Variants in PIK3R3 observed in about 807,000 individuals in gnomAD.
PIK3R3 encodes phosphatidylinositol 3-kinase regulatory subunit gamma.
A neutral mutation model predicts 62.9 loss-of-function variants in PIK3R3; 64 were observed. That is an observed-to-expected ratio of 1.02 (90% CI 0.83 to 1.25). The LOEUF (loss-of-function observed/expected upper bound fraction) is 1.25. Among genes scored for constraint, PIK3R3 ranks in the 50% most tolerant of loss-of-function variants. The pLI is 0.00. For missense variants in PIK3R3, 614 were observed against 561.6 expected (o/e 1.09, Z -0.94); for synonymous variants, 165 against 189.0 (o/e 0.87, Z 1.04).
rs1647003761 is a variant in PIK3R3 at position 46,041,890 on chromosome 1, T to C, written c.*1783A>G. On this transcript the variant is annotated 3_prime_UTR_variant, in exon 10 of 10. Coordinates refer to ENST00000262741, the MANE Select transcript of PIK3R3 (RefSeq NM_003629.4). ...CTAGTAACTGGAGGTTTTTCCAAAA[T>C]TAAAAATCTGTGTCTACATCATGGT... The C allele has an allele frequency of 4.7e-6, 1 of 214,958 alleles. No homozygotes were observed. The highest frequency in any genetic ancestry group is 9.4e-6 in the Non-Finnish European group (1 of 106,442). 13.3% of individuals were successfully genotyped at this position (214,958 alleles called of 1,614,324 possible). A position where few individuals can be genotyped will look rare whatever the true frequency, so the allele number is the denominator to read the frequency against.
chr1:46,069,795 T>C (rs911414648), intron 3 of PIK3R3, among the ~76,000 whole-genome samples: 4 of 151,874 alleles, frequency 2.6e-5, no homozygotes, highest in African/African-American at 9.7e-5. Flanking sequence ...GAAGGAAGAA[T>C]CAGCAAAGGA....
the PIK3R3 span, among the ~76,000 whole-genome samples, chr1:46,144,370 A>G: frequency 1.3e-5 from 2 of 152,200 alleles, no homozygotes; most frequent in African/African-American, 4.8e-5. Context: ...GGTCAGGCCT[A>G]CACCTAACAT....
chr1:46,065,965 C>G, intron 5 of PIK3R3, 89 bp downstream of exon 5: 2 of 1,164,540 alleles, frequency 1.7e-6, no homozygotes, highest in South Asian at 1.3e-5. Flanking sequence ...GACATTAAAA[C>G]AGCTAAAGAT....
chr1:46,137,602 T>C (rs899855932), upstream of PIK3R3, among the ~76,000 whole-genome samples: 1 of 152,250 alleles, frequency 6.6e-6, no homozygotes, highest in Non-Finnish European at 1.5e-5. Flanking sequence ...ATCTTATACA[T>C]TGTGCTCACA....
chr1:46,123,347 A>G (rs904534751), intron 1 of PIK3R3, among the ~76,000 whole-genome samples: 1 of 152,202 alleles, frequency 6.6e-6, no homozygotes, highest in Admixed American at 6.5e-5. Context: ...CTTAAGCAAA[A>G]GCTTGAGATA....
chr1:46,044,152 T>A lies in PIK3R3; in HGVS notation c.1188-281A>T, dbSNP rs1373426372. On this transcript the variant is annotated intron_variant, in intron 9 of 9. Coordinates refer to ENST00000262741, the MANE Select transcript of PIK3R3 (RefSeq NM_003629.4). The surrounding 1 kb of genome is among the most constrained non-coding windows in gnomAD (Gnocchi z 4.2). ...GTACAGTGGCTTGATTACAGCTCAC[T>A]GCAGCCTTGAACTCCTGGGCTCAAG... Among the ~76,000 whole-genome samples, 1 of 151,988 alleles carries A rather than the reference T, an allele frequency of 6.6e-6. No individual in the cohort carries two copies. The highest frequency in any genetic ancestry group is 2.4e-5 in the African/African-American group (1 of 41,386).
In PIK3R3 at chr1:46,043,664, ACTTCCT is replaced by A; in HGVS notation, c.*3_*8del. On this transcript the variant is annotated 3_prime_UTR_variant, in exon 10 of 10. Transcript: ENST00000262741. ...ATGCCAGAGAACCACCTCTCTTCCC[ACTTCCT>A]CTTTATCTGCAAAGCGAGGGCATCT... The A allele has an allele frequency of 6.2e-7, 1 of 1,613,266 alleles. No individual in the cohort carries two copies. Among genetic ancestry groups the A allele is most frequent in the Non-Finnish European group, 8.5e-7 (1 of 1,179,250 alleles).
intron 1 of PIK3R3, chr1:46,105,227 G>T: frequency 4.8e-6 from 2 of 412,638 alleles, no homozygotes; most frequent in South Asian, 4.0e-5. Context: ...TCATCAGCTG[G>T]GCACGGTGGC....
intron 6 of PIK3R3, among the ~76,000 whole-genome samples, chr1:46,059,233 T>C (rs1648237387): frequency 6.6e-6 from 1 of 152,210 alleles, no homozygotes; most frequent in South Asian, 2.1e-4. Flanking sequence ...TCCAATTAAA[T>C]CTCTTCTTTC....
At chr1:46,087,709 C>T (rs1259642314) in intron 1 of PIK3R3, among the ~76,000 whole-genome samples, 2 of 147,458 alleles carry the variant, frequency 1.4e-5, no homozygotes, top group East Asian at 2.0e-4. Context: ...TGCTGGAGTA[C>T]AGGTGTGAGC....
At chr1:46,091,298 G>A (rs933856309) in intron 1 of PIK3R3, among the ~76,000 whole-genome samples, 2 of 151,710 alleles carry the variant, frequency 1.3e-5, no homozygotes, top group African/African-American at 2.4e-5. Context: ...GTGCTATCAC[G>A]CCCAGCTAAT....
At chr1:46,102,823 A>C (rs943571515) in intron 1 of PIK3R3, among the ~76,000 whole-genome samples, 2 of 150,740 alleles carry the variant, frequency 1.3e-5, no homozygotes, top group South Asian at 2.1e-4. Context: ...AAAAAAAAAA[A>C]AAAAAAAACC....
At chr1:46,073,714 G>T (rs1649760121) in intron 3 of PIK3R3, among the ~76,000 whole-genome samples, 1 of 151,880 alleles carries the variant, frequency 6.6e-6, no homozygotes, top group African/African-American at 2.4e-5. Context: ...CCACCTCCCA[G>T]GTTCAAGCGA....
chr1:46,172,116 C>T, the PIK3R3 span, among the ~76,000 whole-genome samples: 4 of 152,152 alleles, frequency 2.6e-5, no homozygotes, highest in African/African-American at 7.2e-5. Flanking sequence ...CCTCCCGATT[C>T]GGTGGCTTGG....
the PIK3R3 span, among the ~76,000 whole-genome samples, chr1:46,154,240 T>C: frequency 2.6e-5 from 4 of 152,020 alleles, no homozygotes; most frequent in African/African-American, 9.7e-5. Context: ...AACTCATGAA[T>C]ATAAAAAAGA....
At chr1:46,119,899 T>G (rs1654515919) in intron 1 of PIK3R3, among the ~76,000 whole-genome samples, 1 of 150,564 alleles carries the variant, frequency 6.6e-6, no homozygotes, top group Non-Finnish European at 1.5e-5. Context: ...CACCTCAGCC[T>G]CCCAAGTAGC....
rs762719231 is a variant in PIK3R3 at position 46,080,659 on chromosome 1, G to A, written c.198C>T (p.Tyr66=). The part of the protein sequence containing the change: ...SSVSLQDAEW[Y]WGDISREEVN... ...CTAGTTACCTTGAAATATCCCCCCA[G>A]TACCATTCTGCATCCTGAAGAGAAA... is the stretch of plus-strand genomic sequence containing the variant. Residue 66 remains tyrosine (Y), a synonymous_variant, in exon 2 of 10, where the codon TAC becomes TAT. Coordinates refer to ENST00000262741, the MANE Select transcript of PIK3R3 (RefSeq NM_003629.4). 42 of 1,605,974 alleles carry A rather than the reference G, an allele frequency of 2.6e-5. No homozygotes were observed. Among genetic ancestry groups the A allele is most frequent in the Non-Finnish European group, 3.4e-5 (40 of 1,172,706 alleles).
the PIK3R3 span, among the ~76,000 whole-genome samples, chr1:46,168,333 G>T: frequency 6.6e-6 from 1 of 152,150 alleles, no homozygotes; most frequent in East Asian, 1.9e-4. Flanking sequence ...CCATTAGGGT[G>T]CAAGCTCTCA....
intron 1 of PIK3R3, among the ~76,000 whole-genome samples, chr1:46,118,142 T>G (rs1448104587): frequency 6.6e-6 from 1 of 152,200 alleles, no homozygotes; most frequent in Admixed American, 6.5e-5. Flanking sequence ...GGCATTACTT[T>G]AAAAGTTAGA....
Sources: allele counts gnomAD v4.1 joint callset (sites outside exome capture counted in the v4.1 genomes callset), GRCh38; gene constraint gnomAD v4.1.1; non-coding constraint Gnocchi (gnomAD v3.1); transcripts MANE v1.5; gene names NCBI Gene and HGNC (gene_info 2026-07-23, HGNC 2026-07-21).